The following IMMP2L variants were observed in gnomAD, a reference collection of about 807,000 sequenced individuals.
IMMP2L encodes the protein inner mitochondrial membrane peptidase subunit 2, also known as mitochondrial inner membrane protease subunit 2.
IMMP2L carries 18 observed loss-of-function variants against 19.3 expected under a neutral mutation model. The observed-to-expected ratio is 0.93, with a 90% CI of 0.64 to 1.38. IMMP2L has a LOEUF of 1.38. IMMP2L is among the 40% of genes most tolerant of loss of function. IMMP2L has a pLI of 0.00. For synonymous variants in IMMP2L, 76 were observed against 73.0 expected, an observed-to-expected ratio of 1.04 and a Z score of -0.21; for missense variants, 233 against 218.2, an observed-to-expected ratio of 1.07 and a Z score of -0.43.
chr7:111,226,696 GAAAT>G (rs1813144653), intron 3 of IMMP2L, among the ~76,000 whole-genome samples: 1 of 152,012 alleles, frequency 6.6e-6, no homozygotes, highest in Non-Finnish European at 1.5e-5. Flanking sequence ...AGTGAAATAA[GAAAT>G]AAATTTTAAC....
At chr7:111,404,378 C>T (rs1193367338) in intron 3 of IMMP2L, among the ~76,000 whole-genome samples, 1 of 152,088 alleles carries the variant, frequency 6.6e-6, no homozygotes, top group South Asian at 2.1e-4. Context: ...ATCTAGAACA[C>T]ATTATACATA....
chr7:111,395,372 AAT>A (rs1249359998), intron 3 of IMMP2L, among the ~76,000 whole-genome samples: 2 of 152,236 alleles, frequency 1.3e-5, no homozygotes, highest in Non-Finnish European at 2.9e-5. Flanking sequence ...ATCAATAAAA[AAT>A]TTTAGTCCAA....
intron 5 of IMMP2L, among the ~76,000 whole-genome samples, chr7:110,718,887 T>G (rs765827845): frequency 2.2e-4 from 33 of 152,314 alleles, no homozygotes; most frequent in Admixed American, 3.9e-4. Flanking sequence ...TTAAAAATGC[T>G]AATATTTGTC....
intron 3 of IMMP2L, among the ~76,000 whole-genome samples, chr7:111,072,653 T>C (rs772848215): frequency 6.6e-6 from 1 of 152,086 alleles, no homozygotes; most frequent in Non-Finnish European, 1.5e-5. Flanking sequence ...CCCAGCACTT[T>C]GGGAGGCCGA....
At chr7:110,741,265 G>C (rs1291983263) in intron 5 of IMMP2L, among the ~76,000 whole-genome samples, 2 of 151,996 alleles carry the variant, frequency 1.3e-5, no homozygotes, top group African/African-American at 2.4e-5. Context: ...CTCATATATG[G>C]ACACGACCTG....
chr7:111,178,711 C>T (rs1807360144), intron 3 of IMMP2L, among the ~76,000 whole-genome samples: 1 of 152,076 alleles, frequency 6.6e-6, no homozygotes. Context: ...TAAAAAGCAA[C>T]TCCTCGTCTG....
intron 3 of IMMP2L, among the ~76,000 whole-genome samples, chr7:111,023,475 T>C (rs2129567286): frequency 6.7e-6 from 1 of 150,288 alleles, no homozygotes; most frequent in South Asian, 2.1e-4. Flanking sequence ...CCAAGGTGGG[T>C]GGATCACCTG....
Position 111,104,388 on chromosome 7 carries a change from ACT to A in IMMP2L, c.240-140825_240-140824del, listed in dbSNP as rs997524326. Among the ~76,000 whole-genome samples the A allele has an allele frequency of 1.8e-4, 27 of 151,784 alleles. 1 individual carries two copies. The highest frequency in any genetic ancestry group is 6.3e-4 in the African/African-American group (26 of 41,474). Reference sequence around the variant, plus strand: ...TTGTTATCTGCTTTAGATTTACCAAACTCTACATTTTGTTCTAGAAATTGTTC... The same window carrying A: ...TTGTTATCTGCTTTAGATTTACCAAACTACATTTTGTTCTAGAAATTGTTC... On this transcript the variant is annotated intron_variant, in intron 3 of 5. Coordinates refer to ENST00000405709, the MANE Select transcript of IMMP2L (RefSeq NM_032549.4).
intron 3 of IMMP2L, among the ~76,000 whole-genome samples, chr7:111,128,788 G>T (rs771262400): frequency 3.3e-5 from 5 of 152,244 alleles, no homozygotes; most frequent in Non-Finnish European, 5.9e-5. Context: ...TCACACCACT[G>T]CATGCCACGC....
At chr7:111,358,425 GACCT>G (rs1727744201) in intron 3 of IMMP2L, among the ~76,000 whole-genome samples, 1 of 142,146 alleles carries the variant, frequency 7.0e-6, no homozygotes, top group Admixed American at 6.8e-5. Context: ...GACTGATTCT[GACCT>G]ACCTAAGGAA....
intron 3 of IMMP2L, among the ~76,000 whole-genome samples, chr7:110,972,847 T>C (rs1820289510): frequency 6.6e-6 from 1 of 152,054 alleles, no homozygotes; most frequent in African/African-American, 2.4e-5. Flanking sequence ...ATCTTCAAAG[T>C]TGCTATGTTA....
chr7:110,743,313 T>C lies in IMMP2L; in HGVS notation c.409-79592A>G, dbSNP rs561445230. ...ATATTTTAGATAGTAATTATTCACA[T>C]TATAGTAATAATGCATTATCAAATC... is the stretch of plus-strand genomic sequence containing the variant. On this transcript the variant is annotated intron_variant, in intron 5 of 5. Transcript: ENST00000405709. Among the ~76,000 whole-genome samples, 465 of 152,288 alleles carry C rather than the reference T, an allele frequency of 3.1e-3. 4 individuals carry two copies. Among genetic ancestry groups the C allele is most frequent in the Middle Eastern group, 0.014 (4 of 294 alleles).
chr7:111,482,100 T>C (rs953341937), intron 3 of IMMP2L, among the ~76,000 whole-genome samples: 1 of 152,178 alleles, frequency 6.6e-6, no homozygotes, highest in Non-Finnish European at 1.5e-5. Context: ...TGCATGAATA[T>C]ATCCAAATTA....
chr7:110,933,128 C>T (rs1815694146), intron 4 of IMMP2L, among the ~76,000 whole-genome samples: 1 of 152,126 alleles, frequency 6.6e-6, no homozygotes, highest in African/African-American at 2.4e-5. Flanking sequence ...AGCACTGCTC[C>T]TTCATTTTCA....
intron 3 of IMMP2L, chr7:111,391,920 C>T: frequency 1.4e-6 from 1 of 702,892 alleles, no homozygotes; most frequent in Non-Finnish European, 2.6e-6. Flanking sequence ...CCCGCCTTGT[C>T]CTTGACCTCA....
At chr7:111,258,584 G>A (rs1816976778) in intron 3 of IMMP2L, among the ~76,000 whole-genome samples, 1 of 151,854 alleles carries the variant, frequency 6.6e-6, no homozygotes, top group African/African-American at 2.4e-5. Flanking sequence ...GCAGCTCCTG[G>A]CACCCTCCAC....
intron 4 of IMMP2L, among the ~76,000 whole-genome samples, chr7:110,895,613 A>T (rs1262931518): frequency 2.6e-5 from 4 of 152,178 alleles, no homozygotes. Flanking sequence ...AGAGCAATTT[A>T]GGTAGAAATG....
At chr7:111,433,400 C>T (rs1299346095) in intron 3 of IMMP2L, among the ~76,000 whole-genome samples, 2 of 151,754 alleles carry the variant, frequency 1.3e-5, no homozygotes, top group East Asian at 3.9e-4. Flanking sequence ...CAAGGAAGAA[C>T]AAGTCCCATC....
chr7:111,243,547 G>T (rs144397058), intron 3 of IMMP2L, among the ~76,000 whole-genome samples: 1 of 140,446 alleles, frequency 7.1e-6, no homozygotes, highest in Non-Finnish European at 1.5e-5. Flanking sequence ...CTAAGTTTTA[G>T]GGTACATGTG....
Sources: gnomAD v4.1 joint callset for allele counts (sites outside exome capture counted in the v4.1 genomes callset) on GRCh38, gnomAD v4.1.1 for gene constraint, MANE v1.5 for transcripts, NCBI Gene and HGNC (gene_info 2026-07-23, HGNC 2026-07-21) for gene names.